CNMD: variants seen among roughly 807,000 people sequenced by gnomAD.
CNMD encodes the protein leukocyte cell-derived chemotaxin 1.
In CNMD, 30 loss-of-function variants were observed where a neutral mutation model predicts 37.5. That is an observed-to-expected ratio of 0.80 (90% CI 0.60 to 1.09). CNMD has a LOEUF of 1.09. CNMD is among the 50% of genes least tolerant of loss of function. The probability of loss-of-function intolerance (pLI) is 0.00; values close to 1 mark genes in which losing one functional copy is unlikely to be tolerated. For synonymous variants in CNMD, 167 were observed against 148.2 expected (o/e 1.13, Z -0.92); for missense variants, 398 against 423.9 (o/e 0.94, Z 0.54).
At chr13:52,735,572 GGATAGCCAAT>G (rs1964743246) in intron 2 of CNMD, among the ~76,000 whole-genome samples, 3 of 151,846 alleles carry the variant, frequency 2.0e-5, no homozygotes, top group Admixed American at 2.0e-4. Flanking sequence ...CTAGGTGCAG[GGATAGCCAAT>G]CTTTTGGCTT....
chr13:52,724,754 G>C (rs1336211196), intron 3 of CNMD, among the ~76,000 whole-genome samples: 2 of 149,338 alleles, frequency 1.3e-5, no homozygotes, highest in Non-Finnish European at 3.0e-5. Flanking sequence ...AAAATTAGCC[G>C]GGTGTGGTAG....
intron 4 of CNMD, among the ~76,000 whole-genome samples, chr13:52,722,628 C>G (rs1437239878): frequency 1.3e-5 from 2 of 152,066 alleles, no homozygotes; most frequent in Non-Finnish European, 2.9e-5. Flanking sequence ...CTCTATCCTG[C>G]CACAACTCAA....
In CNMD at chr13:52,739,769, G is replaced by A; in HGVS notation, c.-68C>T. ...ACCCTGGGATCTGTCCCGCTGCCCC[G>A]ACGTGCAGGGCATTTCAACGCCGCG... On this transcript the variant is annotated 5_prime_UTR_variant, in exon 1 of 7. Coordinates refer to ENST00000377962, the MANE Select transcript of CNMD (RefSeq NM_007015.3). The surrounding 1 kb of genome is among the most constrained non-coding windows in gnomAD (Gnocchi z 5.4). 1 of 1,392,194 alleles carries A rather than the reference G, an allele frequency of 7.2e-7. No individual in the cohort carries two copies. The highest frequency in any genetic ancestry group is 1.2e-5 in the South Asian group (1 of 84,578). 86.2% of individuals were successfully genotyped at this position (1,392,194 alleles called of 1,614,324 possible).
rs903873857 is a variant in CNMD, at chr13:52,739,703, T to A, written c.-2A>T. 8.7e-6 allele frequency: 14 copies of A among 1,614,078 alleles called. No individual in the cohort carries two copies. Among genetic ancestry groups the A allele is most frequent in the Non-Finnish European group, 1.2e-5 (14 of 1,179,936 alleles). ...AACTTTGTCGGAGTTCTCTGTCATGTTTGCGGCGGGAGGAGTGAGGCACTT... is the reference window on the plus strand; with the variant it reads ...AACTTTGTCGGAGTTCTCTGTCATGATTGCGGCGGGAGGAGTGAGGCACTT... On this transcript the variant is annotated 5_prime_UTR_variant, in exon 1 of 7. Transcript: ENST00000377962. The surrounding 1 kb of genome is among the most constrained non-coding windows in gnomAD (Gnocchi z 5.4).
At position 52,725,430 on chromosome 13, in the gene CNMD, GT is replaced by G. The variant is rs1555279685; in HGVS notation, c.355-1321del. On this transcript the variant is annotated intron_variant, in intron 3 of 6. Coordinates refer to ENST00000377962, the MANE Select transcript of CNMD (RefSeq NM_007015.3). Reference sequence around the variant, plus strand: ...CTATACCTTACCCAAGGACTTAGATGTTTTTTTTTTGTCTCCTGAGAGATAT... The same window carrying G: ...CTATACCTTACCCAAGGACTTAGATGTTTTTTTTTGTCTCCTGAGAGATAT... Among the ~76,000 whole-genome samples the G allele has an allele frequency of 7.8e-3, 1,157 of 148,662 alleles. 9 individuals carry two copies. The highest frequency in any genetic ancestry group is 0.02 in the African/African-American group (828 of 40,688).
chr13:52,728,152 C>T (rs919078093), intron 3 of CNMD, among the ~76,000 whole-genome samples: 8 of 152,160 alleles, frequency 5.3e-5, no homozygotes, highest in African/African-American at 1.9e-4. Context: ...CTTTGGGAGG[C>T]CGAGGCAGGA....
At chr13:52,733,542 C>CAGAA in intron 2 of CNMD, 183 bp from the exon 3 acceptor site, 1 of 694,254 alleles carries the variant, frequency 1.4e-6, no homozygotes, top group Non-Finnish European at 2.6e-6. Flanking sequence ...CAATGATTTC[C>CAGAA]TTAAAAATAC....
At chr13:52,738,033 T>C (rs550799915) in intron 2 of CNMD, among the ~76,000 whole-genome samples, 4 of 152,366 alleles carry the variant, frequency 2.6e-5, no homozygotes, top group African/African-American at 9.6e-5. Context: ...AATGGTTGAA[T>C]TGCTTTCAGC....
intron 6 of CNMD, among the ~76,000 whole-genome samples, chr13:52,705,536 A>ATT (rs1426711652): frequency 6.6e-6 from 1 of 152,200 alleles, no homozygotes; most frequent in Non-Finnish European, 1.5e-5. Context: ...TCATTTATTA[A>ATT]TTATGAGGCA....
At chr13:52,720,767 A>G (rs1040274200) in intron 4 of CNMD, among the ~76,000 whole-genome samples, 1 of 152,182 alleles carries the variant, frequency 6.6e-6, no homozygotes, top group African/African-American at 2.4e-5. Flanking sequence ...TCTCCCAGTC[A>G]GGCACAGGGG....
At chr13:52,709,593 A>G (rs1029274226) in intron 5 of CNMD, among the ~76,000 whole-genome samples, 2 of 152,220 alleles carry the variant, frequency 1.3e-5, no homozygotes, top group Non-Finnish European at 2.9e-5. Flanking sequence ...AATGGGTGGC[A>G]TAGGTAGGTG....
intron 2 of CNMD, among the ~76,000 whole-genome samples, chr13:52,734,168 C>T (rs1964719897): frequency 6.6e-6 from 1 of 152,166 alleles, no homozygotes; most frequent in Admixed American, 6.5e-5. Context: ...GGTGGCCACA[C>T]CACTCATCTC....
At chr13:52,723,418 C>G (rs902759910) in intron 4 of CNMD, among the ~76,000 whole-genome samples, 3 of 152,166 alleles carry the variant, frequency 2.0e-5, no homozygotes, top group African/African-American at 7.2e-5. Flanking sequence ...AACCACAGAT[C>G]AGATAGTTCC....
intron 2 of CNMD, among the ~76,000 whole-genome samples, chr13:52,734,004 T>A (rs1964717292): frequency 6.6e-6 from 1 of 152,196 alleles, no homozygotes; most frequent in African/African-American, 2.4e-5. Flanking sequence ...TGTGCATGTT[T>A]GTTTCAGCTC....
In CNMD at chr13:52,723,934, G is replaced by C. The variant is rs947716516; in HGVS notation, c.468+63C>G. 6 of 1,027,754 alleles carry C rather than the reference G, an allele frequency of 5.8e-6. No individual in the cohort carries two copies. The South Asian group carries it at 7.8e-5, about 13-fold the overall frequency. 63.7% of individuals were successfully genotyped at this position (1,027,754 alleles called of 1,614,324 possible). On this transcript the variant is annotated intron_variant, in intron 4 of 6. Coordinates refer to ENST00000377962, the MANE Select transcript of CNMD (RefSeq NM_007015.3). ...TAAAAACAAAAAATAAAAACCAAAA[G>C]GGTTGTGCCTTCAAACAATGTTTGC... is the stretch of plus-strand genomic sequence containing the variant.
chr13:52,724,579 C>T (rs1373162295), intron 3 of CNMD, among the ~76,000 whole-genome samples: 1 of 150,978 alleles, frequency 6.6e-6, no homozygotes, highest in African/African-American at 2.4e-5. Flanking sequence ...GGCAACAGAG[C>T]AAGACTCCGT....
At chr13:52,716,240 A>G (rs1964378749) in intron 4 of CNMD, among the ~76,000 whole-genome samples, 1 of 152,092 alleles carries the variant, frequency 6.6e-6, no homozygotes, top group Admixed American at 6.5e-5. Flanking sequence ...TAGATTCTGG[A>G]TATTAGCCCT....
chr13:52,737,816 C>G (rs914981162), intron 2 of CNMD, among the ~76,000 whole-genome samples: 1 of 152,132 alleles, frequency 6.6e-6, no homozygotes. Flanking sequence ...AGCATCTGGC[C>G]CAGCTTCTAT....
At chr13:52,732,144 A>G (rs1964682901) in intron 3 of CNMD, among the ~76,000 whole-genome samples, 1 of 152,222 alleles carries the variant, frequency 6.6e-6, no homozygotes, top group African/African-American at 2.4e-5. Flanking sequence ...ACTCAAATGA[A>G]AAGCATCTTT....
Sources: allele counts gnomAD v4.1 joint callset (sites outside exome capture counted in the v4.1 genomes callset), GRCh38; gene constraint gnomAD v4.1.1; non-coding constraint Gnocchi (gnomAD v3.1); transcripts MANE v1.5; gene names NCBI Gene and HGNC (gene_info 2026-07-23, HGNC 2026-07-21).